PICALM: variants seen among roughly 807,000 people sequenced by gnomAD.
PICALM encodes phosphatidylinositol-binding clathrin assembly protein.
Under a neutral mutation model 80.5 loss-of-function variants are expected in PICALM, and 40 were observed. The observed-to-expected ratio is 0.50, with a 90% CI of 0.39 to 0.65. PICALM has a LOEUF of 0.65. PICALM is among the 30% of genes least tolerant of loss of function. The probability of loss-of-function intolerance (pLI) is 0.00; values close to 1 mark genes in which losing one functional copy is unlikely to be tolerated. For missense variants in PICALM, 676 were observed against 778.9 expected (o/e 0.87, Z 1.57); for synonymous variants, 288 against 260.3 (o/e 1.11, Z -1.02).
intron 11 of PICALM, among the ~76,000 whole-genome samples, chr11:85,998,883 T>C (rs540506285): frequency 7.4e-4 from 112 of 152,194 alleles, no homozygotes; most frequent in Non-Finnish European, 1.3e-3. Flanking sequence ...CTCAACCTCC[T>C]GAGTAGCTGG....
chr11:86,056,365 T>A, intron 1 of PICALM, among the ~76,000 whole-genome samples: 1 of 150,324 alleles, frequency 6.7e-6, no homozygotes, highest in Non-Finnish European at 1.5e-5. Context: ...AATAGATATT[T>A]TCCCAAAGAT....
chr11:86,057,032 A>C (rs1432505493), intron 1 of PICALM, among the ~76,000 whole-genome samples: 1 of 152,198 alleles, frequency 6.6e-6, no homozygotes, highest in African/African-American at 2.4e-5. Context: ...GTGACCGTTA[A>C]CAGATACAGG....
At chr11:86,038,317 T>C (rs185505179) in intron 1 of PICALM, among the ~76,000 whole-genome samples, 1 of 151,826 alleles carries the variant, frequency 6.6e-6, no homozygotes, top group Non-Finnish European at 1.5e-5. Context: ...CGAGACTCCA[T>C]CCGAAAAAAA....
chr11:85,995,099 G>T (rs1273573504), intron 12 of PICALM, among the ~76,000 whole-genome samples: 2 of 152,050 alleles, frequency 1.3e-5, no homozygotes, highest in African/African-American at 4.8e-5. Context: ...TGATTGTCCT[G>T]GATATGAGTA....
intron 3 of PICALM, among the ~76,000 whole-genome samples, chr11:86,024,246 C>T (rs2095613023): frequency 6.6e-6 from 1 of 151,712 alleles, no homozygotes; most frequent in African/African-American, 2.4e-5. Flanking sequence ...CGCCGTAACT[C>T]TTGTTAAAAT....
At chr11:85,962,828 T>G (rs762047251) in intron 19 of PICALM, among the ~76,000 whole-genome samples, 1 of 152,216 alleles carries the variant, frequency 6.6e-6, no homozygotes, top group Non-Finnish European at 1.5e-5. Context: ...CTAGGCTGAC[T>G]GCACAGCTCC....
At chr11:85,960,149 G>A (rs1021460351) in intron 19 of PICALM, among the ~76,000 whole-genome samples, 3 of 152,000 alleles carry the variant, frequency 2.0e-5, no homozygotes, top group African/African-American at 7.3e-5. Context: ...TTTCAATAGG[G>A]TACTACTGTT....
intron 1 of PICALM, among the ~76,000 whole-genome samples, chr11:86,049,620 T>C (rs1276171177): frequency 6.6e-6 from 1 of 151,406 alleles, no homozygotes; most frequent in Non-Finnish European, 1.5e-5. Flanking sequence ...TGGCGCAATC[T>C]CGGGGTTTCA....
At chr11:86,016,144 C>T (rs1168419621) in intron 4 of PICALM, among the ~76,000 whole-genome samples, 1 of 152,076 alleles carries the variant, frequency 6.6e-6, no homozygotes, top group Non-Finnish European at 1.5e-5. Flanking sequence ...ATTTTTTTAC[C>T]TCTGGTTACT....
chr11:86,051,843 A>C (rs2096194265), intron 1 of PICALM, among the ~76,000 whole-genome samples: 3 of 152,240 alleles, frequency 2.0e-5, no homozygotes, highest in African/African-American at 7.2e-5. Flanking sequence ...CTTCATCGCC[A>C]TCTAAATGTC....
intron 7 of PICALM, among the ~76,000 whole-genome samples, chr11:86,007,915 TAAG>T (rs2095311608): frequency 6.6e-6 from 1 of 151,292 alleles, no homozygotes; most frequent in South Asian, 2.1e-4. Flanking sequence ...AACACTATGG[TAAG>T]AATGAGAAAG....
intron 19 of PICALM, chr11:85,960,907 T>C: frequency 3.2e-6 from 1 of 313,762 alleles, no homozygotes; most frequent in Non-Finnish European, 6.1e-6. Context: ...AGGGCAGTCT[T>C]TGTAGAAAAT....
At chr11:86,037,666 T>C (rs1035510970) in intron 1 of PICALM, among the ~76,000 whole-genome samples, 1 of 150,866 alleles carries the variant, frequency 6.6e-6, no homozygotes, top group Non-Finnish European at 1.5e-5. Flanking sequence ...GACATTGCAC[T>C]CCAACTTGGA....
intron 13 of PICALM, among the ~76,000 whole-genome samples, chr11:85,986,682 G>GCC (rs950638476): frequency 3.3e-5 from 5 of 152,096 alleles, no homozygotes; most frequent in Non-Finnish European, 5.9e-5. Context: ...GAGCCACCGC[G>GCC]CCCGGCCCTC....
chr11:85,969,737 TG>T, intron 19 of PICALM: 1 of 331,574 alleles, frequency 3.0e-6, no homozygotes, highest in Non-Finnish European at 6.1e-6. Context: ...CAGGTTGGTC[TG>T]GAACTCCTGC....
intron 1 of PICALM, among the ~76,000 whole-genome samples, chr11:86,052,215 G>C (rs372209079): frequency 4.6e-5 from 7 of 152,090 alleles, no homozygotes; most frequent in African/African-American, 1.7e-4. Context: ...TTTATAAGGG[G>C]CACTTCTCTC....
chr11:85,993,044 T>C (rs2135954067), intron 12 of PICALM, among the ~76,000 whole-genome samples: 1 of 152,248 alleles, frequency 6.6e-6, no homozygotes, highest in Middle Eastern at 3.4e-3. Context: ...CTCCAGCTAT[T>C]TCAAGTTAAC....
chr11:85,998,956 G>C (rs12283463), intron 11 of PICALM, among the ~76,000 whole-genome samples: 4,430 of 152,192 alleles, frequency 0.029, 224 homozygotes, highest in African/African-American at 0.1. Flanking sequence ...CTCCAAAATA[G>C]AATGTTTTTC....
At chr11:86,064,652 A>T (rs1320677) in intron 1 of PICALM, among the ~76,000 whole-genome samples, 5,354 of 77,022 alleles carry the variant, frequency 0.07, 134 homozygotes, top group African/African-American at 0.11. Flanking sequence ...ACCTCATTTT[A>T]AAAAAAAAAA....
Sources: gnomAD v4.1 joint callset for allele counts (sites outside exome capture counted in the v4.1 genomes callset) on GRCh38, gnomAD v4.1.1 for gene constraint, MANE v1.5 for transcripts, NCBI Gene and HGNC (gene_info 2026-07-23, HGNC 2026-07-21) for gene names.